Variants in LRRC7 observed in about 807,000 individuals in gnomAD.
LRRC7 encodes the protein leucine rich repeat containing 7.
A neutral mutation model predicts 175.7 loss-of-function variants in LRRC7; 23 were observed. The observed-to-expected ratio is 0.13, with a 90% CI of 0.09 to 0.19. The LOEUF is 0.19. LRRC7 is among the 10% of genes least tolerant of loss of function. LRRC7 has a pLI of 1.00. For missense variants in LRRC7, 1,354 were observed against 1,904.7 expected, an observed-to-expected ratio of 0.71 and a Z score of 5.38; for synonymous variants, 685 against 680.9, an observed-to-expected ratio of 1.01 and a Z score of -0.09.
intron 7 of LRRC7, among the ~76,000 whole-genome samples, chr1:69,921,229 G>A (rs1306146135): frequency 2.0e-5 from 3 of 152,120 alleles, no homozygotes; most frequent in African/African-American, 7.2e-5. Context: ...AAAATGGAAT[G>A]TGGGTTTAAA....
chr1:69,660,268 A>G (rs1352350413), intron 1 of LRRC7, among the ~76,000 whole-genome samples: 1 of 152,140 alleles, frequency 6.6e-6, no homozygotes, highest in South Asian at 2.1e-4. Flanking sequence ...TGTATACTCA[A>G]TAATATAGTC....
intron 21 of LRRC7, among the ~76,000 whole-genome samples, chr1:70,043,713 A>T (rs761330862): frequency 2.0e-5 from 3 of 152,192 alleles, no homozygotes; most frequent in Admixed American, 2.0e-4. Context: ...TTAGCAGCAG[A>T]TGTAAAACAG....
chr1:69,624,076 A>C (rs1432529504), intron 1 of LRRC7, among the ~76,000 whole-genome samples: 1 of 151,430 alleles, frequency 6.6e-6, no homozygotes, highest in Non-Finnish European at 1.5e-5. Context: ...AATAAAAAAC[A>C]TATACTCAAC....
rs139619095 is a variant in LRRC7 at position 70,091,910 on chromosome 1, G to A, written c.4545+2091G>A. On this transcript the variant is annotated intron_variant, in intron 25 of 26. Transcript: ENST00000651989. ...AATCTCTATTATTATAAAATTGGTG[G>A]GAGCAACTAGGAGTTCCAAATCTAC... Among the ~76,000 whole-genome samples the A allele has an allele frequency of 2.9e-3, 436 of 152,146 alleles. 3 individuals are homozygous for A. Among genetic ancestry groups the A allele is most frequent in the African/African-American group, 0.01 (428 of 41,526 alleles).
rs1481277356 is a variant in LRRC7 at position 70,129,778 on chromosome 1, T to G, written c.*7891T>G. Among the ~76,000 whole-genome samples the G allele has an allele frequency of 6.6e-6, 1 of 152,246 alleles. No homozygotes were observed. Among genetic ancestry groups the G allele is most frequent in the Non-Finnish European group, 1.5e-5 (1 of 68,034 alleles). ...CCTGAAAATACTGTTTGCATGAGAT[T>G]GGATCACACATACCATGTATCATCA... is the stretch of plus-strand genomic sequence containing the variant. On this transcript the variant is annotated 3_prime_UTR_variant, in exon 27 of 27. Coordinates refer to ENST00000651989, the MANE Select transcript of LRRC7 (RefSeq NM_001370785.2).
intron 10 of LRRC7, among the ~76,000 whole-genome samples, chr1:69,987,554 C>A (rs1377615402): frequency 2.0e-5 from 3 of 152,176 alleles, no homozygotes; most frequent in Non-Finnish European, 4.4e-5. Flanking sequence ...TGTGACTTGC[C>A]ATAGTTTTCC....
chr1:70,103,352 T>G (rs1002522976), intron 25 of LRRC7, among the ~76,000 whole-genome samples: 1 of 152,298 alleles, frequency 6.6e-6, no homozygotes. Context: ...CCTGGATTAT[T>G]CAGATGGGCT....
At chr1:69,832,002 A>T (rs1415799375) in intron 5 of LRRC7, among the ~76,000 whole-genome samples, 1 of 152,204 alleles carries the variant, frequency 6.6e-6, no homozygotes, top group Non-Finnish European at 1.5e-5. Context: ...TATTACTAAG[A>T]ATGTATAAAG....
At chr1:69,666,563 A>G (rs1658304348) in intron 1 of LRRC7, among the ~76,000 whole-genome samples, 1 of 151,924 alleles carries the variant, frequency 6.6e-6, no homozygotes. Context: ...TGTGTGTAGG[A>G]ATTTATCAAT....
chr1:69,643,357 A>T (rs1471132078), intron 1 of LRRC7, among the ~76,000 whole-genome samples: 5 of 152,146 alleles, frequency 3.3e-5, no homozygotes, highest in African/African-American at 7.2e-5. Context: ...ATATAAAATT[A>T]ACTCTCACAG....
In LRRC7 at chr1:69,607,883, C is replaced by G. The variant is rs1557475381; in HGVS notation, c.2+39242C>G. ...AATGACATTCCTTATCCTAGAAGGT[C>G]AGTTTCCTGAAGAGGAACTTGTATA... On this transcript the variant is annotated intron_variant, in intron 1 of 26. Coordinates refer to ENST00000651989, the MANE Select transcript of LRRC7 (RefSeq NM_001370785.2). 6 of 152,284 alleles carry G rather than the reference C, an allele frequency of 3.9e-5. No individual in the cohort carries two copies. The South Asian group carries it at 6.2e-4, about 16-fold the overall frequency. 9.4% of individuals were successfully genotyped at this position (152,284 alleles called of 1,614,324 possible).
intron 8 of LRRC7, 101 bp downstream of exon 8, chr1:69,931,671 C>T (rs1486726153): frequency 1.1e-6 from 1 of 919,624 alleles, no homozygotes; most frequent in African/African-American, 1.7e-5. Context: ...TGCACGTTTG[C>T]ATTTGCTAAA....
intron 1 of LRRC7, among the ~76,000 whole-genome samples, chr1:69,581,876 C>T (rs762309792): frequency 9.2e-5 from 14 of 152,094 alleles, no homozygotes; most frequent in Non-Finnish European, 1.8e-4. Flanking sequence ...TCCTTTTATA[C>T]TTGGATTCCT....
chr1:69,772,833 T>C (rs895193581), intron 3 of LRRC7, among the ~76,000 whole-genome samples: 2 of 152,038 alleles, frequency 1.3e-5, no homozygotes, highest in South Asian at 4.1e-4. Context: ...TTTTTGAAGA[T>C]ACAGGAAGAA....
intron 23 of LRRC7, 107 bp downstream of exon 23, chr1:70,053,252 T>C (rs1262694493): frequency 3.6e-6 from 4 of 1,096,636 alleles, no homozygotes; most frequent in Non-Finnish European, 5.0e-6. Flanking sequence ...TGTGATAACT[T>C]TAAGGTAAAT....
rs1212042185 is a variant in LRRC7 at position 70,134,171 on chromosome 1, A to G, written c.*12284A>G. Among the ~76,000 whole-genome samples, 1 of 152,214 alleles carries G rather than the reference A, an allele frequency of 6.6e-6. No individual in the cohort carries two copies. Among genetic ancestry groups the G allele is most frequent in the Non-Finnish European group, 1.5e-5 (1 of 68,036 alleles). On this transcript the variant is annotated 3_prime_UTR_variant, in exon 27 of 27. Transcript: ENST00000651989. ...AAGTGAATAAGAAATGTATTTCGAA[A>G]TGTATTTCAAAATGTCTCTCACAAA...
intron 8 of LRRC7, among the ~76,000 whole-genome samples, chr1:69,934,004 C>T (rs1204614746): frequency 6.6e-6 from 1 of 152,090 alleles, no homozygotes; most frequent in East Asian, 1.9e-4. Context: ...AACTGTGGAA[C>T]TTTACATTTC....
chr1:70,004,190 C>G (rs1329196959), intron 11 of LRRC7, among the ~76,000 whole-genome samples: 1 of 152,124 alleles, frequency 6.6e-6, no homozygotes, highest in African/African-American at 2.4e-5. Flanking sequence ...TTTCGTCATA[C>G]TTTCACTGAA....
At position 70,076,145 on chromosome 1, in the gene LRRC7, G is replaced by A. The variant is rs147035395; in HGVS notation, c.4299G>A (p.Pro1433=). 1,064 of 1,613,936 alleles carry A rather than the reference G, an allele frequency of 6.6e-4. No individual in the cohort carries two copies. Among genetic ancestry groups the A allele is most frequent in the Non-Finnish European group, 8.7e-4 (1,024 of 1,179,984 alleles). ...SLQHRSREQQ[P]YEGNINKVTI... is the part of the protein sequence containing the mutation. Reference sequence around the variant, plus strand: ...AGCATCGCAGCCGGGAGCAGCAGCCGTATGAAGGAAATATAAACAAAGTGA... The same window carrying A: ...AGCATCGCAGCCGGGAGCAGCAGCCATATGAAGGAAATATAAACAAAGTGA... The change falls in exon 24 of 27, where the codon CCG becomes CCA. Residue 1433 remains proline (P), a synonymous_variant. Transcript: ENST00000651989.
Sources: allele counts gnomAD v4.1 joint callset (sites outside exome capture counted in the v4.1 genomes callset), GRCh38; gene constraint gnomAD v4.1.1; transcripts MANE v1.5; gene names NCBI Gene and HGNC (gene_info 2026-07-23, HGNC 2026-07-21).